The following OTC variants were observed in gnomAD, a reference collection of about 807,000 sequenced individuals.
OTC encodes the protein ornithine transcarbamylase.
In OTC, 3 loss-of-function variants were observed where a neutral mutation model predicts 30.3. The observed-to-expected ratio is 0.10, with a 90% CI of 0.05 to 0.26. The LOEUF (loss-of-function observed/expected upper bound fraction) is 0.26, where lower values mean the gene tolerates loss of function less well. Ranked by LOEUF, OTC falls within the 10% of genes least tolerant of loss-of-function variation. OTC has a pLI of 1.00. For synonymous variants in OTC, 111 were observed against 99.7 expected (o/e 1.11, Z -0.67); for missense variants, 194 against 260.3 (o/e 0.75, Z 1.75).
Position 38,401,432 on chromosome X carries a change from G to A in OTC, c.540+4G>A. ...GGCTGATTACCTCACGCTCCAGGTT[G>A]GTTTATTTATTTGTCTTACAAAAGA... On this transcript the variant is annotated splice_donor_region_variant and intron_variant, in intron 5 of 9. Coordinates refer to ENST00000039007, the MANE Select transcript of OTC (RefSeq NM_000531.6). The A allele has an allele frequency of 8.3e-7, 1 of 1,197,875 alleles. No homozygotes were observed. The highest frequency in any genetic ancestry group is 1.1e-6 in the Non-Finnish European group (1 of 883,197).
chrX:38,394,936 G>A (rs1037382835), intron 4 of OTC, among the ~76,000 whole-genome samples: 5 of 110,282 alleles, frequency 4.5e-5, no homozygotes, highest in African/African-American at 1.3e-4. Context: ...GGTACGTGAA[G>A]GAAGTGAGGA....
At chrX:38,404,845 A>C (rs777386657) in intron 6 of OTC, among the ~76,000 whole-genome samples, 5 of 111,451 alleles carry the variant, frequency 4.5e-5, no homozygotes, top group Non-Finnish European at 9.4e-5. Context: ...GCTAAAATTG[A>C]GAGTCCGGGC....
At chrX:38,394,420 A>G (rs2147337609) in intron 4 of OTC, among the ~76,000 whole-genome samples, 1 of 112,330 alleles carries the variant, frequency 8.9e-6, no homozygotes, top group East Asian at 2.8e-4. Context: ...CTGTTAGAAA[A>G]AAGGAGAGTC....
At chrX:38,330,698 C>T in the OTC span, among the ~76,000 whole-genome samples, 1 of 112,017 alleles carries the variant, frequency 8.9e-6, no homozygotes, top group East Asian at 2.8e-4. Context: ...TTCAAGGATG[C>T]TCTTGCCTCC....
downstream of OTC, among the ~76,000 whole-genome samples, chrX:38,422,403 A>G (rs1238833100): frequency 1.8e-5 from 2 of 112,107 alleles, no homozygotes; most frequent in Admixed American, 1.9e-4. Context: ...GTTTAGTGGA[A>G]TATCTTTCAG....
intron 1 of OTC, among the ~76,000 whole-genome samples, chrX:38,365,379 G>A (rs1383616775): frequency 8.9e-6 from 1 of 112,659 alleles, no homozygotes; most frequent in African/African-American, 3.2e-5. Flanking sequence ...ATAACAAAAT[G>A]TTAAAATTGA....
At chrX:38,386,382 A>ATAT (rs1293229285) in intron 4 of OTC, among the ~76,000 whole-genome samples, 891 of 73,722 alleles carry the variant, frequency 0.012, 3 homozygotes, top group Non-Finnish European at 0.02. Context: ...CAAAAAAAAA[A>ATAT]AAAAATATAT....
At chrX:38,400,041 A>C (rs1025336574) in intron 4 of OTC, among the ~76,000 whole-genome samples, 4 of 111,590 alleles carry the variant, frequency 3.6e-5, no homozygotes, top group African/African-American at 1.3e-4. Context: ...AATTCATTTC[A>C]AGGATTCTTC....
upstream of OTC, among the ~76,000 whole-genome samples, chrX:38,348,382 G>T (rs758759865): frequency 1.8e-5 from 2 of 110,830 alleles, no homozygotes; most frequent in African/African-American, 3.3e-5. Context: ...TTTGACTACC[G>T]ATTAAATTCT....
chrX:38,412,652 A>G (rs1190689232), intron 9 of OTC, among the ~76,000 whole-genome samples: 2 of 112,225 alleles, frequency 1.8e-5, no homozygotes, highest in Non-Finnish European at 3.8e-5. Context: ...TAGTACTGAC[A>G]TGTCTAACTT....
chrX:38,400,011 A>G (rs2068477021), intron 4 of OTC, among the ~76,000 whole-genome samples: 1 of 111,776 alleles, frequency 8.9e-6, no homozygotes, highest in African/African-American at 3.3e-5. Flanking sequence ...ATTATATAGT[A>G]AATTTCATAA....
At chrX:38,390,779 C>T (rs2068425224) in intron 4 of OTC, among the ~76,000 whole-genome samples, 1 of 112,293 alleles carries the variant, frequency 8.9e-6, no homozygotes, top group Non-Finnish European at 1.9e-5. Context: ...CATGTTTGCT[C>T]ATCAACATCC....
At chrX:38,359,131 G>C (rs1382274466) in intron 1 of OTC, among the ~76,000 whole-genome samples, 1 of 111,839 alleles carries the variant, frequency 8.9e-6, no homozygotes, top group African/African-American at 3.3e-5. Flanking sequence ...CTTCATGGTG[G>C]TATGAGCAAA....
the OTC span, among the ~76,000 whole-genome samples, chrX:38,340,006 CACTT>C: frequency 8.9e-6 from 1 of 112,263 alleles, no homozygotes; most frequent in Non-Finnish European, 1.9e-5. Flanking sequence ...TAATTATACT[CACTT>C]AATAAAGTTA....
At chrX:38,385,091 G>A (rs972617902) in intron 4 of OTC, among the ~76,000 whole-genome samples, 21 of 110,920 alleles carry the variant, frequency 1.9e-4, no homozygotes, top group South Asian at 3.9e-4. Flanking sequence ...CCAACATGGC[G>A]AAACCCCATC....
At chrX:38,347,571 A>G in the OTC span, among the ~76,000 whole-genome samples, 2 of 112,362 alleles carry the variant, frequency 1.8e-5, no homozygotes, top group African/African-American at 3.2e-5. Context: ...AAAATTATTT[A>G]TGTAACTAGT....
intron 8 of OTC, 94 bp from the exon 9 acceptor site, chrX:38,411,768 G>C (rs996566233): frequency 1.2e-6 from 1 of 808,593 alleles, no homozygotes; most frequent in African/African-American, 2.0e-5. Flanking sequence ...ATTGATGTCT[G>C]ACTACTGGCC....
At chrX:38,349,093 G>A (rs983279605), upstream of OTC, among the ~76,000 whole-genome samples, 1 of 111,602 alleles carries the variant, frequency 9.0e-6, no homozygotes, top group Non-Finnish European at 1.9e-5. Flanking sequence ...GTAGATCTGG[G>A]CAAAAGTTGA....
At chrX:38,394,055 G>GA (rs2068442495) in intron 4 of OTC, among the ~76,000 whole-genome samples, 1 of 111,994 alleles carries the variant, frequency 8.9e-6, no homozygotes, top group Non-Finnish European at 1.9e-5. Flanking sequence ...ACTAACTTAT[G>GA]AATATGAATC....
Sources: allele counts gnomAD v4.1 joint callset (sites outside exome capture counted in the v4.1 genomes callset), GRCh38; gene constraint gnomAD v4.1.1; transcripts MANE v1.5; gene names NCBI Gene and HGNC (gene_info 2026-07-23, HGNC 2026-07-21).